ADGRB1: variants seen among roughly 807,000 people sequenced by gnomAD.
The protein encoded by ADGRB1 is brain-specific angiogenesis inhibitor 1.
In ADGRB1, 36 loss-of-function variants were observed where a neutral mutation model predicts 175.7. The observed-to-expected ratio is 0.20, with a 90% CI of 0.16 to 0.27. The LOEUF is 0.27. Among genes scored for constraint, ADGRB1 ranks in the 10% least tolerant of loss-of-function variants. The pLI is 1.00. For missense variants in ADGRB1, 1,731 were observed against 2,255.3 expected, an observed-to-expected ratio of 0.77 and a Z score of 4.71; for synonymous variants, 1,054 against 979.4, an observed-to-expected ratio of 1.08 and a Z score of -1.42.
At chr8:142,501,890 G>A in intron 17 of ADGRB1, among the ~76,000 whole-genome samples, 1 of 18,500 alleles carries the variant, frequency 5.4e-5, no homozygotes, top group Non-Finnish European at 9.8e-5. Flanking sequence ...TGGTGATGGT[G>A]AGGGTGATGT....
At chr8:142,452,661 G>C (rs987323124) in intron 1 of ADGRB1, among the ~76,000 whole-genome samples, 7 of 152,180 alleles carry the variant, frequency 4.6e-5, no homozygotes, top group African/African-American at 1.7e-4. Context: ...CGAGTCCCGA[G>C]ACCATCTGCG....
Position 142,464,828 on chromosome 8 carries a change from G to A in ADGRB1, c.630G>A (p.Gln210=). The A allele has an allele frequency of 6.5e-7, 1 of 1,531,948 alleles. No individual in the cohort carries two copies. The highest frequency in any genetic ancestry group is 8.7e-7 in the Non-Finnish European group (1 of 1,144,292). 94.9% of individuals were successfully genotyped at this position (1,531,948 alleles called of 1,614,324 possible). A position where few individuals can be genotyped will look rare whatever the true frequency, so the allele number is the denominator to read the frequency against. ...SRSSHPCGIM[Q]TPCACLGGEA... The stretch of plus-strand genomic sequence containing the variant: ...GCTCGCACCCCTGCGGGATCATGCA[G>A]ACCCCCTGCGCCTGCCTGGGCGGCG... Residue 210 remains glutamine, a synonymous_variant, in exon 2 of 31, where the codon CAG becomes CAA. Coordinates refer to ENST00000517894, the MANE Select transcript of ADGRB1 (RefSeq NM_001702.3).
At chr8:142,489,745 C>T (rs886526281) in intron 16 of ADGRB1, among the ~76,000 whole-genome samples, 2 of 152,212 alleles carry the variant, frequency 1.3e-5, no homozygotes, top group Non-Finnish European at 2.9e-5. Context: ...GAGCCCGTCC[C>T]ATGACTTCTG....
intron 2 of ADGRB1, among the ~76,000 whole-genome samples, chr8:142,473,597 C>T (rs151040992): frequency 6.6e-6 from 1 of 152,362 alleles, no homozygotes; most frequent in South Asian, 2.1e-4. Flanking sequence ...GCTGAGTCCC[C>T]CACCTCTCCT....
intron 15 of ADGRB1, 58 bp downstream of exon 15, chr8:142,489,168 C>T: frequency 1.3e-6 from 2 of 1,555,172 alleles, no homozygotes; most frequent in Admixed American, 1.9e-5. Context: ...TGGGCAGGAC[C>T]CCAGCCACAG....
intron 17 of ADGRB1, among the ~76,000 whole-genome samples, chr8:142,500,920 G>A (rs1289240674): frequency 6.6e-6 from 1 of 152,194 alleles, no homozygotes; most frequent in African/African-American, 2.4e-5. Context: ...GTGACAGGCA[G>A]TGGTGATGGC....
chr8:142,464,414 A>G lies in ADGRB1; in HGVS notation c.216A>G (p.Leu72=), dbSNP rs1840137723. 6.5e-7 allele frequency: 1 copy of G among 1,545,594 alleles called. No homozygotes were observed. The highest frequency in any genetic ancestry group is 8.7e-7 in the Non-Finnish European group (1 of 1,149,528). The change falls in exon 2 of 31, where the codon CTA becomes CTG. Residue 72 remains leucine (L), a synonymous_variant. Coordinates refer to ENST00000517894, the MANE Select transcript of ADGRB1 (RefSeq NM_001702.3). ...PANASRCSWT[L]RNPDPRRYTL... ...ACGCCTCGCGCTGCTCCTGGACGCT[A>G]CGCAACCCGGACCCGCGGCGCTACA... is the stretch of plus-strand genomic sequence containing the variant.
chr8:142,530,110 AGTGT>A (rs751992331), intron 24 of ADGRB1, among the ~76,000 whole-genome samples: 12 of 148,264 alleles, frequency 8.1e-5, no homozygotes, highest in Non-Finnish European at 1.6e-4. Flanking sequence ...ATTTTGCGTT[AGTGT>A]GTGTGTATAA....
Position 142,543,269 on chromosome 8 carries a change from C to A in ADGRB1, c.4414-134C>A, listed in dbSNP as rs1185876653. On this transcript the variant is annotated intron_variant, in intron 28 of 30. Transcript: ENST00000517894. The surrounding 1 kb of genome is among the most constrained non-coding windows in gnomAD (Gnocchi z 4.4). ...TGCCTCAGTGCGCCCCCAGGCATGT[C>A]CCCTGGGTCTGGCCTGGTCCCTGAA... The A allele has an allele frequency of 8.4e-6, 10 of 1,187,518 alleles. No homozygotes were observed. The highest frequency in any genetic ancestry group is 1.1e-5 in the Non-Finnish European group (9 of 829,418). 73.6% of individuals were successfully genotyped at this position (1,187,518 alleles called of 1,614,324 possible). A position where few individuals can be genotyped will look rare whatever the true frequency, so the allele number is the denominator to read the frequency against.
intron 2 of ADGRB1, among the ~76,000 whole-genome samples, chr8:142,465,847 T>G (rs1840247864): frequency 6.6e-6 from 1 of 152,134 alleles, no homozygotes; most frequent in Non-Finnish European, 1.5e-5. Context: ...TGGCGAGTCC[T>G]GGGTGGCTTT....
chr8:142,528,281 G>T (rs1383411990), intron 24 of ADGRB1, among the ~76,000 whole-genome samples: 1 of 152,176 alleles, frequency 6.6e-6, no homozygotes, highest in African/African-American at 2.4e-5. Flanking sequence ...GCAGACGGAG[G>T]CAGGGTCCAC....
intron 24 of ADGRB1, among the ~76,000 whole-genome samples, chr8:142,532,743 A>G (rs1252306572): frequency 1.3e-5 from 2 of 151,870 alleles, no homozygotes; most frequent in Non-Finnish European, 2.9e-5. Context: ...TCTGCCCTTC[A>G]GGGCCTGGAC....
At chr8:142,467,195 G>A (rs1004226148) in intron 2 of ADGRB1, among the ~76,000 whole-genome samples, 4 of 152,240 alleles carry the variant, frequency 2.6e-5, no homozygotes, top group African/African-American at 9.6e-5. Context: ...CGGGCCTCCC[G>A]TGGGAGATCC....
intron 18 of ADGRB1, among the ~76,000 whole-genome samples, chr8:142,514,739 G>A (rs1843320439): frequency 6.6e-6 from 1 of 152,128 alleles, no homozygotes; most frequent in Non-Finnish European, 1.5e-5. Flanking sequence ...AAGACTCACA[G>A]CCTGACTGGG....
At chr8:142,526,814 C>T (rs1418836969) in intron 24 of ADGRB1, among the ~76,000 whole-genome samples, 187 bp downstream of exon 24, 4 of 152,210 alleles carry the variant, frequency 2.6e-5, no homozygotes, top group African/African-American at 7.2e-5. Context: ...TGCCTCTCAC[C>T]GTGCCTCAGT....
intron 1 of ADGRB1, among the ~76,000 whole-genome samples, chr8:142,452,759 C>T (rs1174203492): frequency 6.6e-6 from 1 of 152,004 alleles, no homozygotes; most frequent in East Asian, 1.9e-4. Flanking sequence ...CCTGCGGCGT[C>T]CTCCGCCCCC....
chr8:142,452,488 C>T (rs751671260), intron 1 of ADGRB1, among the ~76,000 whole-genome samples: 115 of 152,324 alleles, frequency 7.5e-4, no homozygotes, highest in Admixed American at 2.0e-3. Context: ...GCCCTTCCCT[C>T]TCCCGCAGGC....
chr8:142,488,753 G>A (rs887981185), intron 14 of ADGRB1, among the ~76,000 whole-genome samples: 6 of 152,188 alleles, frequency 3.9e-5, no homozygotes, highest in African/African-American at 1.4e-4. Context: ...CACGTGTCAA[G>A]GACCCTGTTA....
chr8:142,529,701 T>C (rs1238919775), intron 24 of ADGRB1, among the ~76,000 whole-genome samples: 1 of 151,236 alleles, frequency 6.6e-6, no homozygotes, highest in Non-Finnish European at 1.5e-5. Flanking sequence ...TCGGTGTACC[T>C]GTGAGCGTGC....
Sources: allele counts gnomAD v4.1 joint callset (sites outside exome capture counted in the v4.1 genomes callset), GRCh38; gene constraint gnomAD v4.1.1; non-coding constraint Gnocchi (gnomAD v3.1); transcripts MANE v1.5; gene names NCBI Gene and HGNC (gene_info 2026-07-23, HGNC 2026-07-21).